The following TYW1B variants were observed in gnomAD, a reference collection of about 807,000 sequenced individuals.
The protein encoded by TYW1B is S-adenosyl-L-methionine-dependent tRNA 4-demethylwyosine synthase TYW1B.
Under a neutral mutation model 86.9 loss-of-function variants are expected in TYW1B, and 73 were observed. That is an observed-to-expected ratio of 0.84 (90% CI 0.70 to 1.02). The LOEUF (loss-of-function observed/expected upper bound fraction) is 1.02. Among genes scored for constraint, TYW1B ranks in the 50% least tolerant of loss-of-function variants. The pLI is 0.00. For synonymous variants in TYW1B, 248 were observed against 292.8 expected, an observed-to-expected ratio of 0.85 and a Z score of 1.56; for missense variants, 637 against 827.4, an observed-to-expected ratio of 0.77 and a Z score of 2.82.
chr7:72,803,366 A>G (rs2129572523), intron 5 of TYW1B, among the ~76,000 whole-genome samples: 1 of 152,206 alleles, frequency 6.6e-6, no homozygotes, highest in African/African-American at 2.4e-5. Context: ...ACACATGCCA[A>G]GCAGAAGTAG....
At chr7:72,749,453 C>A (rs1447768532) in intron 7 of TYW1B, among the ~76,000 whole-genome samples, 1 of 152,098 alleles carries the variant, frequency 6.6e-6, no homozygotes, top group Non-Finnish European at 1.5e-5. Flanking sequence ...ACCACCAAGC[C>A]CGGCTAATTT....
At chr7:72,647,263 A>C (rs1812950596) in intron 11 of TYW1B, among the ~76,000 whole-genome samples, 1 of 152,216 alleles carries the variant, frequency 6.6e-6, no homozygotes, top group African/African-American at 2.4e-5. Context: ...AGTGTAATTC[A>C]GTACCAACGT....
At chr7:72,688,905 G>C (rs1814073587) in intron 11 of TYW1B, among the ~76,000 whole-genome samples, 1 of 152,196 alleles carries the variant, frequency 6.6e-6, no homozygotes, top group South Asian at 2.1e-4. Flanking sequence ...ACTGGCTTTA[G>C]ACAACACATT....
intron 2 of TYW1B, 99 bp downstream of exon 2, chr7:72,826,756 A>G (rs1359838093): frequency 1.1e-4 from 156 of 1,459,944 alleles, no homozygotes; most frequent in Non-Finnish European, 1.4e-4. Flanking sequence ...AAATGTCTAA[A>G]GACCAAACAC....
chr7:72,628,184 G>A (rs1350902576), intron 12 of TYW1B, among the ~76,000 whole-genome samples: 4 of 152,196 alleles, frequency 2.6e-5, no homozygotes, highest in Non-Finnish European at 4.4e-5. Context: ...TCAGGAGGCT[G>A]AGGCAGGAGG....
intron 7 of TYW1B, among the ~76,000 whole-genome samples, chr7:72,745,771 A>G (rs542955246): frequency 9.2e-5 from 14 of 152,010 alleles, no homozygotes; most frequent in Admixed American, 3.9e-4. Flanking sequence ...GACTGAAATA[A>G]TATGGAATTA....
chr7:72,647,310 G>C (rs1812951821), intron 11 of TYW1B, among the ~76,000 whole-genome samples: 1 of 138,278 alleles, frequency 7.2e-6, no homozygotes, highest in African/African-American at 2.7e-5. Flanking sequence ...TAAAGAATCT[G>C]AAAAATATTC....
intron 11 of TYW1B, among the ~76,000 whole-genome samples, chr7:72,643,634 C>A (rs1554441730): frequency 6.6e-6 from 1 of 151,714 alleles, no homozygotes; most frequent in East Asian, 1.9e-4. Flanking sequence ...AATATGCATA[C>A]TATTATTAGG....
At chr7:72,774,378 G>A (rs1311321650) in intron 7 of TYW1B, among the ~76,000 whole-genome samples, 1 of 83,708 alleles carries the variant, frequency 1.2e-5, no homozygotes, top group African/African-American at 3.7e-5. Context: ...CCTTGTCCCA[G>A]GGGAAAAAAA....
chr7:72,681,904 GTCTC>G (rs765347256), intron 11 of TYW1B, among the ~76,000 whole-genome samples: 112 of 149,692 alleles, frequency 7.5e-4, no homozygotes, highest in Admixed American at 1.5e-3. Context: ...TTTAGATGGA[GTCTC>G]TCTCTGTCTC....
chr7:72,815,764 G>A (rs1586006683), intron 2 of TYW1B, among the ~76,000 whole-genome samples: 1 of 152,182 alleles, frequency 6.6e-6, no homozygotes, highest in East Asian at 1.9e-4. Context: ...TATCAGCCAG[G>A]CAAGATGGCT....
At chr7:72,650,770 G>T (rs1282123870) in intron 11 of TYW1B, among the ~76,000 whole-genome samples, 1 of 152,106 alleles carries the variant, frequency 6.6e-6, no homozygotes, top group Non-Finnish European at 1.5e-5. Flanking sequence ...AAGATACGTG[G>T]TAATCTAACA....
intron 11 of TYW1B, among the ~76,000 whole-genome samples, chr7:72,689,034 C>T (rs1814076460): frequency 6.6e-6 from 1 of 152,124 alleles, no homozygotes; most frequent in Non-Finnish European, 1.5e-5. Flanking sequence ...GGAATCAGCC[C>T]TGGGGGATCT....
At chr7:72,591,056 A>G (rs1811384342) in intron 13 of TYW1B, among the ~76,000 whole-genome samples, 1 of 152,184 alleles carries the variant, frequency 6.6e-6, no homozygotes, top group Non-Finnish European at 1.5e-5. Flanking sequence ...GAAATGAAAA[A>G]TTCATTAGAA....
At chr7:72,727,245 A>G (rs1357443767) in intron 9 of TYW1B, among the ~76,000 whole-genome samples, 3 of 152,332 alleles carry the variant, frequency 2.0e-5, no homozygotes, top group African/African-American at 7.2e-5. Flanking sequence ...TGAGGTTTCT[A>G]AAGACTCCCA....
At chr7:72,764,588 T>A (rs1787741829) in intron 7 of TYW1B, among the ~76,000 whole-genome samples, 1 of 152,184 alleles carries the variant, frequency 6.6e-6, no homozygotes, top group Admixed American at 6.5e-5. Context: ...GCCCAACAAG[T>A]ACTCTTGAAC....
At chr7:72,750,892 C>T (rs551260527) in intron 7 of TYW1B, among the ~76,000 whole-genome samples, 40 of 152,148 alleles carry the variant, frequency 2.6e-4, no homozygotes, top group Non-Finnish European at 5.4e-4. Flanking sequence ...CATGTCAGTG[C>T]TCAAAACATT....
intron 7 of TYW1B, among the ~76,000 whole-genome samples, chr7:72,745,074 C>T (rs1787371996): frequency 6.6e-6 from 1 of 152,202 alleles, no homozygotes; most frequent in Non-Finnish European, 1.5e-5. Flanking sequence ...CCTCAGGCTG[C>T]AGTGCAGTGG....
At chr7:72,578,153 A>C (rs113933962) in intron 13 of TYW1B, among the ~76,000 whole-genome samples, 1 of 138,662 alleles carries the variant, frequency 7.2e-6, no homozygotes. Context: ...TCGCTCTGTC[A>C]CCCAGGCTGG....
Sources: gnomAD v4.1 joint callset for allele counts (sites outside exome capture counted in the v4.1 genomes callset) on GRCh38, gnomAD v4.1.1 for gene constraint, MANE v1.5 for transcripts, NCBI Gene and HGNC (gene_info 2026-07-23, HGNC 2026-07-21) for gene names.